The following SLC30A8 variants were observed in gnomAD, a reference collection of about 807,000 sequenced individuals.
SLC30A8 encodes proton-coupled zinc antiporter SLC30A8.
In SLC30A8, 27 loss-of-function variants were observed where a neutral mutation model predicts 36.9. That is an observed-to-expected ratio of 0.73 (90% CI 0.54 to 1.01). The LOEUF (loss-of-function observed/expected upper bound fraction) is 1.01, where lower values mean the gene tolerates loss of function less well. Among genes scored for constraint, SLC30A8 ranks in the 50% least tolerant of loss-of-function variants. SLC30A8 has a pLI of 0.00. For missense variants in SLC30A8, 439 were observed against 452.0 expected (o/e 0.97, Z 0.26); for synonymous variants, 164 against 172.4 (o/e 0.95, Z 0.38).
intron 1 of SLC30A8, among the ~76,000 whole-genome samples, chr8:117,139,514 T>G (rs1479214226): frequency 6.6e-6 from 1 of 152,102 alleles, no homozygotes; most frequent in Non-Finnish European, 1.5e-5. Context: ...ATTTTTGTTG[T>G]TTAAGCCACA....
chr8:117,058,633 A>G (rs1407971051), intron 2 of SLC30A8, among the ~76,000 whole-genome samples: 2 of 152,212 alleles, frequency 1.3e-5, no homozygotes, highest in Non-Finnish European at 2.9e-5. Context: ...GGAGTTAGCA[A>G]ACTATGGTCA....
Position 117,163,506 on chromosome 8 carries a change from GAC to G in SLC30A8, c.806_807del (p.Asp269ValfsTer67), listed in dbSNP as rs760326420. The G allele has an allele frequency of 2.5e-6, 4 of 1,612,826 alleles. No homozygotes were observed. Among genetic ancestry groups the G allele is most frequent in the Non-Finnish European group, 3.4e-6 (4 of 1,179,342 alleles). On this transcript the variant is annotated frameshift_variant, in exon 6 of 8. Coordinates refer to ENST00000456015, the MANE Select transcript of SLC30A8 (RefSeq NM_173851.3). LOFTEE classifies it high-confidence loss of function. Reference protein sequence around the residue: ...VLASTITILKDFSILLMEGVP... With the variant: ...VLASTITILKXFSILLMEGVP... ...GGCCAGCACCATCACTATCTTAAAGGACTTCTCCATCTTACTCATGGAAGGTA... is the reference window on the plus strand; with the variant it reads ...GGCCAGCACCATCACTATCTTAAAGGTTCTCCATCTTACTCATGGAAGGTA...
intron 2 of SLC30A8, among the ~76,000 whole-genome samples, chr8:117,100,385 G>T (rs938604222): frequency 6.6e-6 from 1 of 152,088 alleles, no homozygotes; most frequent in Non-Finnish European, 1.5e-5. Flanking sequence ...CTTGGGGGAG[G>T]TATTCAAATC....
chr8:116,952,219 G>A (rs941370290), intron 1 of SLC30A8, among the ~76,000 whole-genome samples: 6 of 152,178 alleles, frequency 3.9e-5, no homozygotes, highest in Admixed American at 3.9e-4. Flanking sequence ...GGCTGAAGTG[G>A]TTGACAGAGG....
intron 1 of SLC30A8, among the ~76,000 whole-genome samples, chr8:116,996,258 G>A (rs1319350109): frequency 6.6e-6 from 1 of 152,176 alleles, no homozygotes; most frequent in East Asian, 1.9e-4. Flanking sequence ...CTTATAGGAG[G>A]AAACTGAGGC....
chr8:116,972,490 C>G (rs1235099032), intron 1 of SLC30A8, among the ~76,000 whole-genome samples: 1 of 152,196 alleles, frequency 6.6e-6, no homozygotes, highest in African/African-American at 2.4e-5. Context: ...AGAAAAGAAA[C>G]CAACTCCATG....
At chr8:117,071,935 C>T (rs1024025118) in intron 2 of SLC30A8, among the ~76,000 whole-genome samples, 2 of 152,020 alleles carry the variant, frequency 1.3e-5, no homozygotes, top group African/African-American at 2.4e-5. Context: ...ATTAGCCTAT[C>T]TCCCACCCTT....
intron 2 of SLC30A8, among the ~76,000 whole-genome samples, chr8:117,120,865 A>G (rs1820667802): frequency 6.6e-6 from 1 of 151,900 alleles, no homozygotes; most frequent in Non-Finnish European, 1.5e-5. Context: ...CAAAGGGCCA[A>G]TAAGTATATG....
chr8:116,959,256 G>A (rs1272502661), intron 1 of SLC30A8, among the ~76,000 whole-genome samples: 1 of 152,108 alleles, frequency 6.6e-6, no homozygotes. Flanking sequence ...TAATCGGCTA[G>A]TGATCCCATC....
chr8:117,045,186 T>C (rs987612706), intron 2 of SLC30A8, among the ~76,000 whole-genome samples: 5 of 152,152 alleles, frequency 3.3e-5, no homozygotes, highest in Non-Finnish European at 5.9e-5. Flanking sequence ...TATGGACCAT[T>C]AGCCTTATTC....
intron 1 of SLC30A8, among the ~76,000 whole-genome samples, chr8:117,024,316 G>A (rs926718409): frequency 4.6e-5 from 7 of 152,214 alleles, no homozygotes; most frequent in African/African-American, 1.4e-4. Context: ...TCCTTTTGGA[G>A]TTTCGGCTAA....
chr8:116,976,131 C>A (rs1419664204), intron 1 of SLC30A8, among the ~76,000 whole-genome samples: 1 of 151,930 alleles, frequency 6.6e-6, no homozygotes, highest in Non-Finnish European at 1.5e-5. Context: ...CCATCTTGGC[C>A]AATATGGTGA....
Position 117,100,637 on chromosome 8 carries a change from G to A in SLC30A8, c.-225-34643G>A, listed in dbSNP as rs572519817. Among the ~76,000 whole-genome samples the A allele has an allele frequency of 4.6e-5, 7 of 152,282 alleles. No homozygotes were observed. The South Asian group carries it at 1.2e-3, about 27-fold the overall frequency. On this transcript the variant is annotated intron_variant, in intron 2 of 10. Transcript: ENST00000427715. ...GAGCAGATCAGGGTCTCCTGGAATA[G>A]CATTTCTTCTGCTCTTATAATTGTT... is the stretch of plus-strand genomic sequence containing the variant.
chr8:116,979,541 C>T (rs1253395136), intron 1 of SLC30A8, among the ~76,000 whole-genome samples: 1 of 152,092 alleles, frequency 6.6e-6, no homozygotes, highest in Non-Finnish European at 1.5e-5. Flanking sequence ...GGTCTCAGAC[C>T]CATTTCTGAA....
intron 1 of SLC30A8, among the ~76,000 whole-genome samples, chr8:117,037,490 T>A (rs747069962): frequency 1.8e-4 from 27 of 151,316 alleles, no homozygotes; most frequent in Non-Finnish European, 3.7e-4. Flanking sequence ...AGCAGGGGAG[T>A]CACCATACCA....
At chr8:117,038,018 A>G (rs910240234) in intron 1 of SLC30A8, among the ~76,000 whole-genome samples, 6 of 152,222 alleles carry the variant, frequency 3.9e-5, no homozygotes, top group Admixed American at 3.9e-4. Context: ...AGGAAATCCA[A>G]ATTAAGTTCT....
At chr8:116,995,260 G>A (rs1257274164) in intron 1 of SLC30A8, among the ~76,000 whole-genome samples, 1 of 152,068 alleles carries the variant, frequency 6.6e-6, no homozygotes. Flanking sequence ...AGATGCTTGG[G>A]TATGGAGAGC....
chr8:117,129,654 T>C (rs1409717414), intron 2 of SLC30A8, among the ~76,000 whole-genome samples: 1 of 152,042 alleles, frequency 6.6e-6, no homozygotes, highest in Admixed American at 6.6e-5. Flanking sequence ...AACATTGTAA[T>C]TGTGTCCTGA....
chr8:117,037,318 C>T (rs1217361223), intron 1 of SLC30A8, among the ~76,000 whole-genome samples: 1 of 152,180 alleles, frequency 6.6e-6, no homozygotes, highest in Non-Finnish European at 1.5e-5. Context: ...AAAATATTGA[C>T]TTGAGCAGAT....
Sources: allele counts gnomAD v4.1 joint callset (sites outside exome capture counted in the v4.1 genomes callset), GRCh38; gene constraint gnomAD v4.1.1; transcripts MANE v1.5; gene names NCBI Gene and HGNC (gene_info 2026-07-23, HGNC 2026-07-21).